The following OR2T6 variants were observed in gnomAD, a reference collection of about 807,000 sequenced individuals.
OR2T6 encodes olfactory receptor 2T6.
For synonymous variants in OR2T6, 174 were observed against 148.0 expected (o/e 1.18, Z -1.27); for missense variants, 424 against 391.6 (o/e 1.08, Z -0.70).
At chr1:248,385,471 T>C (rs566771148) in intron 2 of OR2T6, among the ~76,000 whole-genome samples, 1 of 152,308 alleles carries the variant, frequency 6.6e-6, no homozygotes, top group South Asian at 2.1e-4. Flanking sequence ...AGAGTGAACT[T>C]AGGAAATGAC....
Position 248,388,549 on chromosome 1 carries a change from T to A in OR2T6, c.*14T>A. The A allele has an allele frequency of 6.5e-7, 1 of 1,537,338 alleles. No individual in the cohort carries two copies. Among genetic ancestry groups the A allele is most frequent in the Non-Finnish European group, 8.7e-7 (1 of 1,143,436 alleles). ...GCAAGATGTTAGGGGACATGTGGTG[T>A]GATGAGGAAAGAATTCTGATGGTCT... On this transcript the variant is annotated 3_prime_UTR_variant, in exon 3 of 3. Coordinates refer to ENST00000641644, the MANE Select transcript of OR2T6 (RefSeq NM_001005471.2).
At position 248,376,341 on chromosome 1, in the gene OR2T6, A is replaced by T. The variant is rs558521208; in HGVS notation, c.-159+287A>T. ...TACTTTAAGAAGATTTGATTGAAGG[A>T]AATGAATTAAGCATAATCCAGGAGT... On this transcript the variant is annotated intron_variant, in intron 1 of 2. Transcript: ENST00000641644. 2.6e-5 allele frequency among the ~76,000 whole-genome samples: 4 copies of T among 152,366 alleles called. No homozygotes were observed. The East Asian group carries it at 7.7e-4, about 29-fold the overall frequency.
At chr1:248,380,546 A>G (rs1175174308) in intron 1 of OR2T6, among the ~76,000 whole-genome samples, 1 of 151,898 alleles carries the variant, frequency 6.6e-6, no homozygotes, top group Admixed American at 6.6e-5. Context: ...ATTGGGTTGA[A>G]TCTTTATTAA....
At chr1:248,385,732 C>A (rs758567285) in intron 2 of OR2T6, among the ~76,000 whole-genome samples, 20 of 152,138 alleles carry the variant, frequency 1.3e-4, no homozygotes, top group Non-Finnish European at 2.4e-4. Context: ...TAGAGTGTGT[C>A]TCCTATTGTT....
chr1:248,381,512 G>A (rs111626016), intron 1 of OR2T6, among the ~76,000 whole-genome samples: 1 of 151,834 alleles, frequency 6.6e-6, no homozygotes, highest in African/African-American at 2.4e-5. Flanking sequence ...GCTGCTTTCT[G>A]GTACTTCTTA....
In OR2T6 at chr1:248,388,520, T is replaced by C; in HGVS notation, c.912T>C (p.Val304=). The part of the protein sequence containing the change: ...NRDVMGALKR[V]VARC Reference sequence around the variant, plus strand: ...ATGTGATGGGTGCCTTGAAGAGAGTTGTGGCAAGATGTTAGGGGACATGTG... The same window carrying C: ...ATGTGATGGGTGCCTTGAAGAGAGTCGTGGCAAGATGTTAGGGGACATGTG... Residue 304 remains valine, a synonymous_variant, in exon 3 of 3, where the codon GTT becomes GTC. Coordinates refer to ENST00000641644, the MANE Select transcript of OR2T6 (RefSeq NM_001005471.2). 1 of 1,569,044 alleles carries C rather than the reference T, an allele frequency of 6.4e-7. No individual in the cohort carries two copies.
In OR2T6 at chr1:248,382,924, C is replaced by T. The variant is rs144050864; in HGVS notation, c.-158-1787C>T. On this transcript the variant is annotated intron_variant, in intron 1 of 2. Coordinates refer to ENST00000641644, the MANE Select transcript of OR2T6 (RefSeq NM_001005471.2). The stretch of plus-strand genomic sequence containing the variant: ...CCCTAACAAAATTTTATGTCTTCAG[C>T]GCTCTTCTTTGCAGCCTTTCTTGTA... Among the ~76,000 whole-genome samples the T allele has an allele frequency of 1.7e-4, 26 of 152,348 alleles. No individual in the cohort carries two copies. In the East Asian group the frequency reaches 4.4e-3, roughly 26 times the overall value.
rs1051792405 is a variant in OR2T6, at chr1:248,388,307, G to A, written c.699G>A (p.Gly233=). 5.0e-6 allele frequency: 8 copies of A among 1,613,738 alleles called. No individual in the cohort carries two copies. The highest frequency in any genetic ancestry group is 6.8e-6 in the Non-Finnish European group (8 of 1,179,870). Residue 233 remains glycine (G), a synonymous_variant, in exon 3 of 3, where the codon GGG becomes GGA. Coordinates refer to ENST00000641644, the MANE Select transcript of OR2T6 (RefSeq NM_001005471.2). ...TGCATCAGATGACATCGGCTGAAGG[G>A]AGGAAGAAGGCCTTTGCCACCTGCT... ...ITVHQMTSAE[G]RKKAFATCSS...
At chr1:248,376,251 A>C (rs1660937656) in intron 1 of OR2T6, among the ~76,000 whole-genome samples, 197 bp downstream of exon 1, 1 of 152,228 alleles carries the variant, frequency 6.6e-6, no homozygotes, top group Non-Finnish European at 1.5e-5. Context: ...AGATGATCAA[A>C]ATAATTAAAT....
At chr1:248,385,114 A>AGCAGAGAAGCAGACCCTGCT (rs1205326180) in intron 2 of OR2T6, among the ~76,000 whole-genome samples, 5 of 152,136 alleles carry the variant, frequency 3.3e-5, no homozygotes, top group African/African-American at 1.2e-4. Flanking sequence ...GAATGGGGAA[A>AGCAGAGAAGCAGACCCTGCT]GCAGAGAAGC....
At chr1:248,386,001 G>A (rs988111667) in intron 2 of OR2T6, among the ~76,000 whole-genome samples, 4 of 152,148 alleles carry the variant, frequency 2.6e-5, no homozygotes, top group Admixed American at 2.0e-4. Context: ...AGGGCACATT[G>A]CAAATGATGA....
chr1:248,377,756 T>C (rs1034915470), intron 1 of OR2T6, among the ~76,000 whole-genome samples: 2 of 152,202 alleles, frequency 1.3e-5, no homozygotes, highest in Non-Finnish European at 2.9e-5. Flanking sequence ...TCCTGATTCT[T>C]CAATCTCCAT....
intron 1 of OR2T6, 62 bp from the exon 2 acceptor site, chr1:248,384,649 C>G (rs1391644898): frequency 9.2e-6 from 1 of 108,288 alleles, no homozygotes; most frequent in Non-Finnish European, 2.3e-5. Flanking sequence ...GTGTGTTCAT[C>G]CTCTCCTGAA....
intron 1 of OR2T6, among the ~76,000 whole-genome samples, chr1:248,384,288 C>T (rs1188108736): frequency 8.3e-5 from 9 of 108,294 alleles, no homozygotes; most frequent in Admixed American, 1.9e-4. Context: ...TAAAGCACTG[C>T]ACTAGCCTGA....
rs780160622 is a variant in OR2T6 at position 248,387,741 on chromosome 1, A to G, written c.133A>G (p.Met45Val). 4.3e-6 allele frequency: 7 copies of G among 1,613,848 alleles called. No homozygotes were observed. In the East Asian group the frequency reaches 1.6e-4, roughly 36 times the overall value. Reference protein sequence around the residue: ...FFMAMIANGVMIFLINIDPHL... With the variant: ...FFMAMIANGVVIFLINIDPHL... Reference sequence around the variant, plus strand: ...CATGGCCATGATAGCTAATGGGGTCATGATCTTCCTGATTAACATAGACCC... The same window carrying G: ...CATGGCCATGATAGCTAATGGGGTCGTGATCTTCCTGATTAACATAGACCC... Residue 45 changes from methionine to valine, a missense_variant, in exon 3 of 3, where the codon ATG becomes GTG. By Grantham distance (21) the Met-to-Val change is conservative. Coordinates refer to ENST00000641644, the MANE Select transcript of OR2T6 (RefSeq NM_001005471.2).
Position 248,388,247 on chromosome 1 carries a change from G to A in OR2T6, c.639G>A (p.Val213=). The A allele has an allele frequency of 6.2e-7, 1 of 1,613,948 alleles. No homozygotes were observed. The highest frequency in any genetic ancestry group is 8.5e-7 in the Non-Finnish European group (1 of 1,179,950). ...CVAMLLIPFS[V]VTASYTRILI... ...CAATGCTGCTGATCCCCTTCTCGGT[G>A]GTGACTGCATCCTACACCAGGATTC... The change falls in exon 3 of 3, where the codon GTG becomes GTA. Residue 213 remains valine (V), a synonymous_variant. Coordinates refer to ENST00000641644, the MANE Select transcript of OR2T6 (RefSeq NM_001005471.2).
In OR2T6 at chr1:248,387,910, G is replaced by C; in HGVS notation, c.302G>C (p.Cys101Ser). The C allele has an allele frequency of 2.5e-6, 4 of 1,603,896 alleles. No individual in the cohort carries two copies. The South Asian group carries it at 4.5e-5, about 18-fold the overall frequency. ...TISFIACTAQCFLYMGFMGAE... is the reference protein window; with the variant it reads ...TISFIACTAQSFLYMGFMGAE... Reference sequence around the variant, plus strand: ...TCTTTCATCGCCTGCACTGCTCAGTGCTTTCTCTACATGGGCTTTATGGGG... The same window carrying C: ...TCTTTCATCGCCTGCACTGCTCAGTCCTTTCTCTACATGGGCTTTATGGGG... Residue 101 changes from cysteine (C) to serine (S), a missense_variant, in exon 3 of 3, where the codon TGC (cysteine) becomes TCC (serine). Coordinates refer to ENST00000641644, the MANE Select transcript of OR2T6 (RefSeq NM_001005471.2).
chr1:248,377,653 C>A (rs1016712255), intron 1 of OR2T6, among the ~76,000 whole-genome samples: 1 of 152,174 alleles, frequency 6.6e-6, no homozygotes, highest in African/African-American at 2.4e-5. Context: ...CGAGTGTGGT[C>A]CATCTTATTT....
At chr1:248,385,190 G>A (rs964155842) in intron 2 of OR2T6, among the ~76,000 whole-genome samples, 13 of 152,170 alleles carry the variant, frequency 8.5e-5, no homozygotes, top group African/African-American at 2.2e-4. Flanking sequence ...AGTGGTTCAC[G>A]CCATGAGAGA....
Sources: allele counts gnomAD v4.1 joint callset (sites outside exome capture counted in the v4.1 genomes callset), GRCh38; gene constraint gnomAD v4.1.1; transcripts MANE v1.5; gene names NCBI Gene and HGNC (gene_info 2026-07-23, HGNC 2026-07-21).